The following RGS3 variants were observed in gnomAD, a reference collection of about 807,000 sequenced individuals.
The protein encoded by RGS3 is regulator of G protein signaling 3.
Under a neutral mutation model 132.6 loss-of-function variants are expected in RGS3, and 80 were observed. The ratio of observed to expected loss-of-function variants is 0.60; its 90% CI spans 0.50 to 0.73. The LOEUF (loss-of-function observed/expected upper bound fraction) is 0.73. Ranked by LOEUF, RGS3 falls within the 30% of genes least tolerant of loss-of-function variation. RGS3 has a pLI of 0.00. For missense variants in RGS3, 1,382 were observed against 1,530.8 expected, an observed-to-expected ratio of 0.90 and a Z score of 1.62; for synonymous variants, 598 against 620.6, an observed-to-expected ratio of 0.96 and a Z score of 0.54.
chr9:113,561,491 C>T (rs1833782842), intron 19 of RGS3, among the ~76,000 whole-genome samples: 1 of 151,974 alleles, frequency 6.6e-6, no homozygotes, highest in South Asian at 2.1e-4. Context: ...CGGCTCATTG[C>T]AGCCTCAACC....
In RGS3 at chr9:113,579,077, AC is replaced by A. The variant is rs58700904; in HGVS notation, c.2038-4366del. 0.12 allele frequency among the ~76,000 whole-genome samples: 18,024 copies of A among 151,902 alleles called. 1,279 individuals are homozygous for A. The highest frequency in any genetic ancestry group is 0.19 in the African/African-American group (7,862 of 41,384). ...GAGACAGAGGCAAACCCCAGTTTAC[AC>A]CCCCCCAGTGCAGGAAGTGGTTTTC... is the stretch of plus-strand genomic sequence containing the variant. On this transcript the variant is annotated intron_variant, in intron 19 of 24. Coordinates refer to ENST00000350696, the Ensembl canonical transcript of RGS3. This position sits in a 1 kb window ranked among gnomAD's most constrained non-coding sequence, Gnocchi z 4.3.
chr9:113,485,556 C>T (rs1334945014), intron 6 of RGS3, 69 bp from the exon 5 acceptor site: 4 of 1,251,916 alleles, frequency 3.2e-6, no homozygotes, highest in Admixed American at 4.1e-5. Flanking sequence ...TTATGACTGA[C>T]TCTATGAGTC....
At chr9:113,558,063 C>T (rs935733789) in intron 19 of RGS3, among the ~76,000 whole-genome samples, 4 of 152,108 alleles carry the variant, frequency 2.6e-5, no homozygotes, top group Admixed American at 6.5e-5. Flanking sequence ...TGGCCTCGGC[C>T]AGGGAGAGCC....
intron 19 of RGS3, among the ~76,000 whole-genome samples, chr9:113,568,887 G>A (rs940605883): frequency 1.4e-4 from 22 of 152,256 alleles, no homozygotes; most frequent in Non-Finnish European, 5.9e-5. Context: ...GGGGATGGGG[G>A]CAGGATGGTG....
Position 113,537,026 on chromosome 9 carries a change from G to A in RGS3, c.2037+108G>A. On this transcript the variant is annotated intron_variant, in intron 19 of 24. Transcript: ENST00000350696. This position sits in a 1 kb window ranked among gnomAD's most constrained non-coding sequence, Gnocchi z 4.3. ...GGGGGCCAGCCTGAGCTTCCAACTT[G>A]GCTCTGGGCAATGAGCTCTTGGCAA... The A allele has an allele frequency of 9.2e-7, 1 of 1,087,158 alleles. No homozygotes were observed. 67.3% of individuals were successfully genotyped at this position (1,087,158 alleles called of 1,614,324 possible).
At chr9:113,469,987 T>C (rs187277176) in intron 3 of RGS3, among the ~76,000 whole-genome samples, 2 of 150,404 alleles carry the variant, frequency 1.3e-5, no homozygotes, top group Non-Finnish European at 1.5e-5. Context: ...GTAAACTCAC[T>C]GCAGCCTCCC....
chr9:113,446,830 T>C (rs1169620132), intron 1 of RGS3, among the ~76,000 whole-genome samples: 1 of 152,182 alleles, frequency 6.6e-6, no homozygotes, highest in Non-Finnish European at 1.5e-5. Context: ...GAGCTGTTGA[T>C]GATCCTGACA....
Position 113,463,691 on chromosome 9 carries a change from G to A in RGS3, c.415+1490G>A. The A allele has an allele frequency of 7.0e-7, 1 of 1,420,914 alleles. No homozygotes were observed. Among genetic ancestry groups the A allele is most frequent in the South Asian group, 1.5e-5 (1 of 65,850 alleles). The allele number at this position is 1,420,914 out of a possible 1,614,324, so 88.0% of individuals were successfully genotyped here. A position where few individuals can be genotyped will look rare whatever the true frequency, so the allele number is the denominator to read the frequency against. On this transcript the variant is annotated intron_variant, in intron 3 of 24. Transcript: ENST00000350696. The surrounding 1 kb of genome is among the most constrained non-coding windows in gnomAD (Gnocchi z 4.6). Reference sequence around the variant, plus strand: ...GCGCCCTGGCCGTTCCAACGCTTGGGGCAGCCCTACCTCCCGCTCGCGCTC... The same window carrying A: ...GCGCCCTGGCCGTTCCAACGCTTGGAGCAGCCCTACCTCCCGCTCGCGCTC...
intron 24 of RGS3, among the ~76,000 whole-genome samples, chr9:113,596,301 T>A (rs1164030894): frequency 2.6e-5 from 4 of 152,242 alleles, no homozygotes; most frequent in African/African-American, 7.2e-5. Flanking sequence ...ACCACTGCAC[T>A]CCAGCCTGAG....
Position 113,467,027 on chromosome 9 carries a change from C to T in RGS3, c.415+4826C>T, listed in dbSNP as rs78586912. ...TTAGCATAATGTTTTCAAGTTTAAT[C>T]CATGTTGTAGCAGATATCATACTCC... is the stretch of plus-strand genomic sequence containing the variant. On this transcript the variant is annotated intron_variant, in intron 3 of 24. Coordinates refer to ENST00000350696, the Ensembl canonical transcript of RGS3. Among the ~76,000 whole-genome samples, 597 of 152,026 alleles carry T rather than the reference C, an allele frequency of 3.9e-3. 3 individuals carry two copies. Among genetic ancestry groups the T allele is most frequent in the African/African-American group, 0.013 (551 of 41,460 alleles).
chr9:113,577,070 G>A (rs112523409), intron 19 of RGS3, among the ~76,000 whole-genome samples: 18,062 of 152,154 alleles, frequency 0.12, 1,286 homozygotes, highest in African/African-American at 0.19. Context: ...TGCAACCTCC[G>A]CTTCCTGGAT....
chr9:113,594,095 C>CT lies in RGS3; in HGVS notation c.3081-334dup, dbSNP rs1365452881. 9 of 1,613,010 alleles carry CT rather than the reference C, an allele frequency of 5.6e-6. No individual in the cohort carries two copies. In the East Asian group the frequency reaches 1.8e-4, roughly 32 times the overall value. ...CCTCCCATTTCCTGGCTCCTCCTGT[C>CT]TGAGTCCCAGCCCCGGCTTGTGCCT... is the stretch of plus-strand genomic sequence containing the variant. On this transcript the variant is annotated intron_variant, in intron 21 of 24. Transcript: ENST00000350696.
chr9:113,463,259 G>C lies in RGS3; in HGVS notation c.415+1058G>C, dbSNP rs1277059806. ...GTTTGGGAAGAGGATGCAGCATGGTGGGGGGCGACCTGTCCAAGCGCAGAG... is the reference window on the plus strand; with the variant it reads ...GTTTGGGAAGAGGATGCAGCATGGTCGGGGGCGACCTGTCCAAGCGCAGAG... On this transcript the variant is annotated intron_variant, in intron 3 of 24. Coordinates refer to ENST00000350696, the Ensembl canonical transcript of RGS3. This position sits in a 1 kb window ranked among gnomAD's most constrained non-coding sequence, Gnocchi z 4.6. Among the ~76,000 whole-genome samples the C allele has an allele frequency of 1.3e-5, 2 of 152,350 alleles. No individual in the cohort carries two copies. The highest frequency in any genetic ancestry group is 2.4e-5 in the African/African-American group (1 of 41,596).
At chr9:113,566,202 C>T (rs767070929) in intron 19 of RGS3, among the ~76,000 whole-genome samples, 5 of 152,096 alleles carry the variant, frequency 3.3e-5, no homozygotes, top group Admixed American at 6.5e-5. Flanking sequence ...CTAGTCTCAG[C>T]GGGTTGCCTT....
intron 16 of RGS3, among the ~76,000 whole-genome samples, chr9:113,520,737 C>T (rs1203820775): frequency 1.3e-5 from 2 of 152,028 alleles, no homozygotes; most frequent in Admixed American, 1.3e-4. Flanking sequence ...ATTGCTCGGA[C>T]TTTGAAGTCT....
At chr9:113,549,302 G>T (rs1200246135) in intron 19 of RGS3, among the ~76,000 whole-genome samples, 1 of 152,236 alleles carries the variant, frequency 6.6e-6, no homozygotes, top group Non-Finnish European at 1.5e-5. Flanking sequence ...AAGGGGATCT[G>T]TTGTAATGCC....
Position 113,523,054 on chromosome 9 carries a change from C to T in RGS3, c.1870+13C>T, listed in dbSNP as rs757597189. 8.5e-5 allele frequency: 131 copies of T among 1,547,670 alleles called. No homozygotes were observed. Among genetic ancestry groups the T allele is most frequent in the Admixed American group, 2.8e-4 (17 of 59,924 alleles). On this transcript the variant is annotated intron_variant, in intron 17 of 24. Coordinates refer to ENST00000350696, the Ensembl canonical transcript of RGS3. ...AAGCTGCAGGAAGGTAAGCAGATGC[C>T]GTAGGTGCCCAGAGCCCCTCTCAAC...
intron 16 of RGS3, among the ~76,000 whole-genome samples, chr9:113,518,363 C>T (rs1831780933): frequency 6.6e-6 from 1 of 152,206 alleles, no homozygotes; most frequent in South Asian, 2.1e-4. Flanking sequence ...GTGGAAAGAT[C>T]AGGAAACTTG....
In RGS3 at chr9:113,591,422, C is replaced by T. The variant is rs1285503657; in HGVS notation, c.3080+25C>T. ...TGTACGTTGGGAAGATCCCTGGCTT[C>T]TGCGCTCCTCTTCCTCCCTTGCCCC... is the stretch of plus-strand genomic sequence containing the variant. On this transcript the variant is annotated intron_variant, in intron 21 of 24. Coordinates refer to ENST00000350696, the Ensembl canonical transcript of RGS3. The surrounding 1 kb of genome is among the most constrained non-coding windows in gnomAD (Gnocchi z 4.4). 6.2e-7 allele frequency: 1 copy of T among 1,602,098 alleles called. No homozygotes were observed. Among genetic ancestry groups the T allele is most frequent in the Non-Finnish European group, 8.5e-7 (1 of 1,169,592 alleles).
Sources: allele counts gnomAD v4.1 joint callset (sites outside exome capture counted in the v4.1 genomes callset), GRCh38; gene constraint gnomAD v4.1.1; non-coding constraint Gnocchi (gnomAD v3.1); transcripts MANE v1.5; gene names NCBI Gene and HGNC (gene_info 2026-07-23, HGNC 2026-07-21).